CDC42SE2: variants seen among roughly 807,000 people sequenced by gnomAD.
CDC42SE2 encodes CDC42 small effector protein 2.
In CDC42SE2, 3 loss-of-function variants were observed where a neutral mutation model predicts 11.5. That is an observed-to-expected ratio of 0.26 (90% CI 0.12 to 0.67). The LOEUF (loss-of-function observed/expected upper bound fraction) is 0.67. Among genes scored for constraint, CDC42SE2 ranks in the 30% least tolerant of loss-of-function variants. CDC42SE2 has a pLI of 0.80. For synonymous variants in CDC42SE2, 33 were observed against 34.8 expected, an observed-to-expected ratio of 0.95 and a Z score of 0.18; for missense variants, 82 against 106.8, an observed-to-expected ratio of 0.77 and a Z score of 1.02.
chr5:131,267,524 T>A (rs1012117851), intron 1 of CDC42SE2, among the ~76,000 whole-genome samples: 2 of 152,214 alleles, frequency 1.3e-5, no homozygotes, highest in African/African-American at 4.8e-5. Context: ...TATGTGTGTC[T>A]GTTGGGGAGA....
chr5:131,390,459 C>A (rs990593546), intron 4 of CDC42SE2, among the ~76,000 whole-genome samples: 1 of 151,978 alleles, frequency 6.6e-6, no homozygotes, highest in Non-Finnish European at 1.5e-5. Context: ...CCGAAGCAGT[C>A]GGATCACTTG....
At chr5:131,322,622 C>T (rs1758215673) in intron 2 of CDC42SE2, among the ~76,000 whole-genome samples, 1 of 152,162 alleles carries the variant, frequency 6.6e-6, no homozygotes. Context: ...GCTGGAAGTA[C>T]AGGCATGTGC....
At chr5:131,334,272 A>G (rs575492027) in intron 2 of CDC42SE2, among the ~76,000 whole-genome samples, 6 of 152,162 alleles carry the variant, frequency 3.9e-5, no homozygotes, top group African/African-American at 1.4e-4. Flanking sequence ...ACGTTTATTG[A>G]TTTGCATATG....
intron 2 of CDC42SE2, among the ~76,000 whole-genome samples, chr5:131,344,081 C>G (rs962822548): frequency 6.6e-6 from 1 of 152,202 alleles, no homozygotes; most frequent in African/African-American, 2.4e-5. Context: ...CAGCTCCAGT[C>G]TGCAGCTCCC....
intron 2 of CDC42SE2, among the ~76,000 whole-genome samples, chr5:131,352,405 A>C (rs1246288828): frequency 6.6e-6 from 1 of 152,222 alleles, no homozygotes; most frequent in African/African-American, 2.4e-5. Flanking sequence ...AAATCTTAAA[A>C]ACATGCTGAA....
chr5:131,321,343 C>T (rs1758182525), intron 2 of CDC42SE2, among the ~76,000 whole-genome samples: 1 of 152,108 alleles, frequency 6.6e-6, no homozygotes, highest in South Asian at 2.1e-4. Flanking sequence ...GCCTTTAAAA[C>T]TTAAAAGAGG....
intron 1 of CDC42SE2, among the ~76,000 whole-genome samples, chr5:131,305,591 G>GT (rs1249763311): frequency 6.6e-6 from 1 of 152,048 alleles, no homozygotes; most frequent in Non-Finnish European, 1.5e-5. Flanking sequence ...TCCTTTGCCC[G>GT]TTTTTTGATT....
At chr5:131,239,163 A>C in the CDC42SE2 span, among the ~76,000 whole-genome samples, 1 of 151,912 alleles carries the variant, frequency 6.6e-6, no homozygotes. Context: ...CTGTCTCAAA[A>C]AAAAATAAAA....
At position 131,277,066 on chromosome 5, in the gene CDC42SE2, TTACA is replaced by T. The variant is rs200752605; in HGVS notation, c.-455+12904_-455+12907del. ...CCATTATAATTTTTAAAAAGCCTGT[TTACA>T]TACCAAATAAAATCATCATGTTGGA... On this transcript the variant is annotated intron_variant, in intron 1 of 4. Transcript: ENST00000505065. Among the ~76,000 whole-genome samples the T allele has an allele frequency of 1.6e-3, 242 of 152,252 alleles. 6 individuals are homozygous for T. The East Asian group carries it at 0.04, about 25-fold the overall frequency.
intron 2 of CDC42SE2, among the ~76,000 whole-genome samples, chr5:131,345,699 A>G (rs1299785656): frequency 5.9e-5 from 9 of 151,978 alleles, no homozygotes; most frequent in Non-Finnish European, 2.9e-5. Context: ...CATAATTGTC[A>G]GATTCACCAA....
the CDC42SE2 span, among the ~76,000 whole-genome samples, chr5:131,234,010 C>T: frequency 1.3e-5 from 2 of 152,090 alleles, no homozygotes; most frequent in Admixed American, 6.6e-5. Flanking sequence ...CTTACCTGCT[C>T]TTACCACTAG....
At chr5:131,331,090 A>G (rs1489928365) in intron 2 of CDC42SE2, among the ~76,000 whole-genome samples, 1 of 152,194 alleles carries the variant, frequency 6.6e-6, no homozygotes, top group Non-Finnish European at 1.5e-5. Context: ...CCTGCTTTAG[A>G]GCAATCCTGG....
intron 1 of CDC42SE2, among the ~76,000 whole-genome samples, chr5:131,295,430 G>A (rs558371377): frequency 6.6e-6 from 1 of 152,238 alleles, no homozygotes; most frequent in African/African-American, 2.4e-5. Context: ...CCATATAATG[G>A]AATATTGTAC....
At chr5:131,329,437 C>T (rs1247920014) in intron 2 of CDC42SE2, among the ~76,000 whole-genome samples, 1 of 152,048 alleles carries the variant, frequency 6.6e-6, no homozygotes, top group Non-Finnish European at 1.5e-5. Flanking sequence ...AAGTCCATGA[C>T]AGTTGTTCCT....
Position 131,394,015 on chromosome 5 carries a change from A to G in CDC42SE2, c.*2924A>G, listed in dbSNP as rs1282997283. ...GGAGGTGCCAATAAAATCAAGAAAT[A>G]AGAAAACTACAAAAAAAGATACGGT... On this transcript the variant is annotated 3_prime_UTR_variant, in exon 5 of 5. Coordinates refer to ENST00000505065, the MANE Select transcript of CDC42SE2 (RefSeq NM_001375635.1). The G allele has an allele frequency of 2.6e-5, 4 of 152,236 alleles. No homozygotes were observed. Among genetic ancestry groups the G allele is most frequent in the African/African-American group, 2.4e-5 (1 of 41,406 alleles). The allele number at this position is 152,236 out of a possible 1,614,324, so 9.4% of individuals were successfully genotyped here.
chr5:131,229,043 C>T, the CDC42SE2 span, among the ~76,000 whole-genome samples: 1 of 152,158 alleles, frequency 6.6e-6, no homozygotes, highest in African/African-American at 2.4e-5. Flanking sequence ...GAAGTATATC[C>T]TGAAGTTTCT....
At position 131,366,088 on chromosome 5, in the gene CDC42SE2, C is replaced by T. The variant is rs139788319; in HGVS notation, c.54+6541C>T. Among the ~76,000 whole-genome samples the T allele has an allele frequency of 4.7e-4, 72 of 152,246 alleles. No individual in the cohort carries two copies. In the East Asian group the frequency reaches 8.5e-3, roughly 18 times the overall value. ...AAATGTTTTAACTGTACTACTAAAC[C>T]TAGAAATTCTAAAGACTAGTATACT... On this transcript the variant is annotated intron_variant, in intron 3 of 4. Coordinates refer to ENST00000505065, the MANE Select transcript of CDC42SE2 (RefSeq NM_001375635.1).
chr5:131,336,186 T>A (rs1158233452), intron 2 of CDC42SE2, among the ~76,000 whole-genome samples: 1 of 152,234 alleles, frequency 6.6e-6, no homozygotes, highest in Non-Finnish European at 1.5e-5. Flanking sequence ...TCTCTCAGCA[T>A]TTGCTTGTCT....
intron 1 of CDC42SE2, among the ~76,000 whole-genome samples, chr5:131,274,909 T>TA (rs1757070602): frequency 1.3e-5 from 2 of 152,208 alleles, no homozygotes; most frequent in Admixed American, 1.3e-4. Flanking sequence ...GAATGACTGT[T>TA]AATCTTGTCA....
Sources: gnomAD v4.1 joint callset for allele counts (sites outside exome capture counted in the v4.1 genomes callset) on GRCh38, gnomAD v4.1.1 for gene constraint, MANE v1.5 for transcripts, NCBI Gene and HGNC (gene_info 2026-07-23, HGNC 2026-07-21) for gene names.